The following KCNU1 variants were observed in gnomAD, a reference collection of about 807,000 sequenced individuals.
KCNU1 encodes the protein potassium calcium-activated channel subfamily U member 1.
Under a neutral mutation model 126.8 loss-of-function variants are expected in KCNU1, and 93 were observed. The observed-to-expected ratio is 0.73, with a 90% CI of 0.62 to 0.87. The LOEUF (loss-of-function observed/expected upper bound fraction) is 0.87. Ranked by LOEUF, KCNU1 falls within the 40% of genes least tolerant of loss-of-function variation. The probability of loss-of-function intolerance (pLI) is 0.00; values close to 1 mark genes in which losing one functional copy is unlikely to be tolerated. For synonymous variants in KCNU1, 523 were observed against 494.2 expected, an observed-to-expected ratio of 1.06 and a Z score of -0.77; for missense variants, 1,330 against 1,367.1, an observed-to-expected ratio of 0.97 and a Z score of 0.43.
intron 18 of KCNU1, among the ~76,000 whole-genome samples, chr8:36,858,697 T>C (rs1805622167): frequency 6.6e-6 from 1 of 152,204 alleles, no homozygotes; most frequent in South Asian, 2.1e-4. Context: ...CTATAAATAT[T>C]TTAAAACAGG....
chr8:36,816,748 T>A (rs1803927780), intron 9 of KCNU1, among the ~76,000 whole-genome samples: 1 of 152,160 alleles, frequency 6.6e-6, no homozygotes, highest in Non-Finnish European at 1.5e-5. Context: ...AAATTTTTCA[T>A]GACAAAAACT....
intron 23 of KCNU1, 55 bp downstream of exon 23, chr8:36,918,952 T>G: frequency 9.0e-7 from 1 of 1,116,026 alleles, no homozygotes; most frequent in East Asian, 2.4e-5. Context: ...GATATATAAT[T>G]TATGTTCCAA....
At chr8:36,876,253 C>G (rs899456896) in intron 19 of KCNU1, among the ~76,000 whole-genome samples, 4 of 152,188 alleles carry the variant, frequency 2.6e-5, no homozygotes, top group African/African-American at 9.7e-5. Context: ...AAGGCTTTGA[C>G]TTCTCTACAT....
At chr8:36,838,862 A>C (rs1804851326) in intron 14 of KCNU1, among the ~76,000 whole-genome samples, 1 of 152,176 alleles carries the variant, frequency 6.6e-6, no homozygotes, top group African/African-American at 2.4e-5. Context: ...ACCTACTTTC[A>C]GGAATCCTCA....
chr8:36,917,516 A>AG (rs1808162404), intron 22 of KCNU1, among the ~76,000 whole-genome samples: 1 of 101,676 alleles, frequency 9.8e-6, no homozygotes, highest in East Asian at 3.1e-4. Flanking sequence ...ACACCCAGCT[A>AG]ATTTTTTTTT....
intron 19 of KCNU1, among the ~76,000 whole-genome samples, chr8:36,878,540 C>G (rs139297450): frequency 2.6e-5 from 4 of 152,262 alleles, no homozygotes; most frequent in Non-Finnish European, 5.9e-5. Flanking sequence ...GAGTATCCAA[C>G]TGACTCAGCT....
At chr8:36,822,353 C>T (rs546425155) in intron 10 of KCNU1, among the ~76,000 whole-genome samples, 1 of 152,054 alleles carries the variant, frequency 6.6e-6, no homozygotes, top group African/African-American at 2.4e-5. Context: ...GTAAATGATG[C>T]CATCTTGGAT....
chr8:36,789,362 T>TAA (rs577015345), intron 2 of KCNU1, among the ~76,000 whole-genome samples: 1 of 144,626 alleles, frequency 6.9e-6, no homozygotes, highest in Non-Finnish European at 1.5e-5. Flanking sequence ...AGACCCCATC[T>TAA]AAAAAAAAAA....
At chr8:36,821,568 G>A (rs1804126316) in intron 10 of KCNU1, among the ~76,000 whole-genome samples, 1 of 152,160 alleles carries the variant, frequency 6.6e-6, no homozygotes. Context: ...ATAAAGAGAT[G>A]AGACTTTGGG....
At chr8:36,860,482 T>C (rs967458129) in intron 18 of KCNU1, among the ~76,000 whole-genome samples, 8 of 152,192 alleles carry the variant, frequency 5.3e-5, no homozygotes, top group African/African-American at 2.4e-5. Flanking sequence ...TGGAATTAGA[T>C]AAGTTTTTGG....
intron 10 of KCNU1, among the ~76,000 whole-genome samples, chr8:36,830,302 G>A (rs926947134): frequency 6.6e-6 from 1 of 151,464 alleles, no homozygotes; most frequent in Non-Finnish European, 1.5e-5. Context: ...ATTTTTAAAA[G>A]CACCTTTAAT....
intron 10 of KCNU1, among the ~76,000 whole-genome samples, chr8:36,823,836 C>CTTTT (rs11364462): frequency 7.7e-6 from 1 of 129,402 alleles, no homozygotes; most frequent in Non-Finnish European, 1.6e-5. Flanking sequence ...TTGTTCAAAC[C>CTTTT]TTTTTTTTTT....
At chr8:36,829,540 A>G (rs1013276047) in intron 10 of KCNU1, among the ~76,000 whole-genome samples, 3 of 151,574 alleles carry the variant, frequency 2.0e-5, no homozygotes, top group Non-Finnish European at 4.4e-5. Context: ...AACTAGTTCT[A>G]TCTATCCCTA....
At chr8:36,887,679 CAG>C (rs1419722179) in intron 19 of KCNU1, among the ~76,000 whole-genome samples, 1 of 152,044 alleles carries the variant, frequency 6.6e-6, no homozygotes, top group African/African-American at 2.4e-5. Context: ...ATTAGTTAGT[CAG>C]AATGTGGTGG....
intron 7 of KCNU1, among the ~76,000 whole-genome samples, chr8:36,813,491 A>G (rs958133459): frequency 3.3e-5 from 5 of 150,622 alleles, no homozygotes; most frequent in African/African-American, 4.9e-5. Context: ...GTATAAATGT[A>G]TGTTATATAT....
chr8:36,857,249 C>G (rs1446221592), intron 18 of KCNU1, among the ~76,000 whole-genome samples: 3 of 152,214 alleles, frequency 2.0e-5, no homozygotes, highest in Non-Finnish European at 4.4e-5. Context: ...TTGTTTTCAT[C>G]CTGTGATACC....
chr8:36,802,842 A>G (rs1438594322), intron 2 of KCNU1, among the ~76,000 whole-genome samples: 4 of 152,150 alleles, frequency 2.6e-5, no homozygotes, highest in Admixed American at 2.6e-4. Flanking sequence ...TGTGATGTCA[A>G]TGTGGGGGCA....
At chr8:36,792,492 T>A (rs1164588855) in intron 2 of KCNU1, among the ~76,000 whole-genome samples, 1 of 152,158 alleles carries the variant, frequency 6.6e-6, no homozygotes, top group African/African-American at 2.4e-5. Flanking sequence ...TTCTGAAGGG[T>A]CAGCAGGTGG....
intron 19 of KCNU1, among the ~76,000 whole-genome samples, chr8:36,867,723 T>A (rs1450933356): frequency 6.6e-6 from 1 of 152,202 alleles, no homozygotes. Context: ...TTTCTTTCTA[T>A]TCTTTAGCAC....
Sources: gnomAD v4.1 joint callset for allele counts (sites outside exome capture counted in the v4.1 genomes callset) on GRCh38, gnomAD v4.1.1 for gene constraint, MANE v1.5 for transcripts, NCBI Gene and HGNC (gene_info 2026-07-23, HGNC 2026-07-21) for gene names.